The following AKR1C8 variants were observed in gnomAD, a reference collection of about 807,000 sequenced individuals.
AKR1C8 encodes aldo-keto reductase family 1 member C-like protein 1.
the AKR1C8 span, among the ~76,000 whole-genome samples, chr10:5,178,269 TTTCCATG>T: frequency 5.3e-5 from 8 of 152,192 alleles, no homozygotes; most frequent in Non-Finnish European, 1.5e-5. Context: ...GGTTGTTCAG[TTTCCATG>T]TAGTTGAGCA....
the AKR1C8 span, chr10:5,132,809 G>T: frequency 1.1e-6 from 1 of 886,464 alleles, no homozygotes; most frequent in South Asian, 1.8e-5. Flanking sequence ...TGATCAATGT[G>T]CTCAACAGGT....
chr10:5,145,457 G>C, the AKR1C8 span, among the ~76,000 whole-genome samples: 1 of 151,820 alleles, frequency 6.6e-6, no homozygotes, highest in African/African-American at 2.4e-5. Flanking sequence ...TCTGATAAAG[G>C]GCTAATATCC....
At chr10:5,122,719 G>A in the AKR1C8 span, among the ~76,000 whole-genome samples, 2 of 152,122 alleles carry the variant, frequency 1.3e-5, no homozygotes, top group African/African-American at 2.4e-5. Flanking sequence ...AAACACAGCT[G>A]CAAATAGACA....
the AKR1C8 span, among the ~76,000 whole-genome samples, chr10:5,130,609 G>T: frequency 1.3e-5 from 2 of 151,702 alleles, no homozygotes; most frequent in Non-Finnish European, 2.9e-5. Context: ...TACAGAAATT[G>T]ATTTCTGCCA....
chr10:5,167,307 T>C, the AKR1C8 span, among the ~76,000 whole-genome samples: 1 of 152,176 alleles, frequency 6.6e-6, no homozygotes, highest in African/African-American at 2.4e-5. Flanking sequence ...GGATTATAAA[T>C]CATGCTGCTA....
the AKR1C8 span, among the ~76,000 whole-genome samples, chr10:5,142,864 G>T: frequency 1.4e-3 from 213 of 152,126 alleles, 1 homozygote; most frequent in African/African-American, 4.9e-3. Context: ...TTGGAAAAAT[G>T]GTACTAACAG....
At chr10:5,130,293 G>A in the AKR1C8 span, among the ~76,000 whole-genome samples, 16 of 151,934 alleles carry the variant, frequency 1.1e-4, no homozygotes, top group Non-Finnish European at 1.8e-4. Flanking sequence ...AGCCATATAT[G>A]ACAAACCCAA....
At chr10:5,149,724 A>G in the AKR1C8 span, among the ~76,000 whole-genome samples, 3 of 151,896 alleles carry the variant, frequency 2.0e-5, no homozygotes, top group African/African-American at 4.9e-5. Flanking sequence ...CAAATATGTC[A>G]TTCCAGTTAA....
At chr10:5,134,382 G>A in the AKR1C8 span, among the ~76,000 whole-genome samples, 1 of 152,144 alleles carries the variant, frequency 6.6e-6, no homozygotes, top group African/African-American at 2.4e-5. Context: ...CCTTATTCAA[G>A]CACTTAGTAG....
chr10:5,184,017 T>A, the AKR1C8 span, among the ~76,000 whole-genome samples: 1 of 152,184 alleles, frequency 6.6e-6, no homozygotes, highest in Non-Finnish European at 1.5e-5. Flanking sequence ...GCACTTTCCT[T>A]TCCTTTTGTG....
chr10:5,180,150 T>C, the AKR1C8 span, among the ~76,000 whole-genome samples: 1 of 152,216 alleles, frequency 6.6e-6, no homozygotes, highest in East Asian at 1.9e-4. Context: ...AGATGGGCTT[T>C]TAGTGTGGAT....
At chr10:5,154,826 G>T in the AKR1C8 span, 1 of 152,148 alleles carries the variant, frequency 6.6e-6, no homozygotes. Flanking sequence ...TCCTGCAGTA[G>T]TTGAGCAACT....
the AKR1C8 span, among the ~76,000 whole-genome samples, chr10:5,164,989 T>C: frequency 6.6e-6 from 1 of 152,172 alleles, no homozygotes; most frequent in Non-Finnish European, 1.5e-5. Flanking sequence ...TCTTATTGGG[T>C]AAACTCAGCC....
chr10:5,177,295 T>G, the AKR1C8 span, among the ~76,000 whole-genome samples: 2 of 152,048 alleles, frequency 1.3e-5, no homozygotes, highest in Admixed American at 6.5e-5. Context: ...GATTTGCATA[T>G]ATTGAACCAG....
chr10:5,130,530 A>C, the AKR1C8 span, among the ~76,000 whole-genome samples: 1 of 151,920 alleles, frequency 6.6e-6, no homozygotes. Context: ...CAAAACCCTA[A>C]AGACTCATCC....
the AKR1C8 span, among the ~76,000 whole-genome samples, chr10:5,181,866 A>G: frequency 6.6e-6 from 1 of 152,202 alleles, no homozygotes; most frequent in African/African-American, 2.4e-5. Context: ...AAGATGATTT[A>G]TAATCAACTA....
chr10:5,132,873 G>A, the AKR1C8 span: 4 of 494,298 alleles, frequency 8.1e-6, no homozygotes, highest in South Asian at 2.5e-5. Context: ...TTGCATCTTG[G>A]GTTAGTTCTA....
the AKR1C8 span, chr10:5,160,939 C>T: frequency 1.7e-3 from 804 of 468,760 alleles, 14 homozygotes; most frequent in South Asian, 0.012. Context: ...TGGAATTCTC[C>T]TTTCTGGTGC....
chr10:5,170,389 T>C, the AKR1C8 span, among the ~76,000 whole-genome samples: 2 of 152,138 alleles, frequency 1.3e-5, no homozygotes, highest in Admixed American at 6.6e-5. Flanking sequence ...GTAGGATTGG[T>C]CTGCTTTATT....
Sources: allele counts gnomAD v4.1 joint callset (sites outside exome capture counted in the v4.1 genomes callset), GRCh38; gene constraint gnomAD v4.1.1; transcripts MANE v1.5; gene names NCBI Gene and HGNC (gene_info 2026-07-23, HGNC 2026-07-21).